Variants in GLYAT observed in about 807,000 individuals in gnomAD.
The protein encoded by GLYAT is glycine N-acyltransferase.
Under a neutral mutation model 22.8 loss-of-function variants are expected in GLYAT, and 25 were observed. The ratio of observed to expected loss-of-function variants is 1.09; its 90% CI spans 0.80 to 1.53. GLYAT has a LOEUF of 1.53. Among genes scored for constraint, GLYAT ranks in the 40% most tolerant of loss-of-function variants. GLYAT has a pLI of 0.00. For synonymous variants in GLYAT, 140 were observed against 122.7 expected, an observed-to-expected ratio of 1.14 and a Z score of -0.93; for missense variants, 411 against 353.9, an observed-to-expected ratio of 1.16 and a Z score of -1.29.
At chr11:58,719,293 T>C (rs1856720719) in intron 2 of GLYAT, among the ~76,000 whole-genome samples, 1 of 151,926 alleles carries the variant, frequency 6.6e-6, no homozygotes, top group Non-Finnish European at 1.5e-5. Flanking sequence ...GAAGCCCCAA[T>C]AAAAACAGCA....
chr11:58,726,178 A>T (rs571011698), intron 1 of GLYAT, among the ~76,000 whole-genome samples: 1 of 152,004 alleles, frequency 6.6e-6, no homozygotes, highest in Non-Finnish European at 1.5e-5. Flanking sequence ...TGGTTGCCTG[A>T]CATATCTGGG....
intron 4 of GLYAT, among the ~76,000 whole-genome samples, chr11:58,711,480 G>A (rs1856616226): frequency 6.6e-6 from 1 of 152,134 alleles, no homozygotes; most frequent in Non-Finnish European, 1.5e-5. Flanking sequence ...TGGGGAAGAA[G>A]CATTTCAAAC....
intron 1 of GLYAT, among the ~76,000 whole-genome samples, chr11:58,730,552 C>T (rs1442571206): frequency 2.0e-5 from 3 of 152,152 alleles, no homozygotes; most frequent in Non-Finnish European, 2.9e-5. Context: ...CATAATCTGA[C>T]CACAGTCTCA....
At chr11:58,724,286 C>A (rs2134493927) in intron 2 of GLYAT, 130 bp downstream of exon 2, 1 of 547,530 alleles carries the variant, frequency 1.8e-6, no homozygotes, top group Non-Finnish European at 3.3e-6. Context: ...AGAGGTAAGG[C>A]ATACTAAATG....
intron 1 of GLYAT, among the ~76,000 whole-genome samples, chr11:58,728,896 A>G (rs1464172106): frequency 2.0e-5 from 2 of 98,626 alleles, no homozygotes; most frequent in African/African-American, 8.2e-5. Context: ...GAAAGAAGGA[A>G]GGAAGGAAGG....
rs1232569022 is a variant in GLYAT at position 58,709,152 on chromosome 11, T to C, written c.*614A>G. 1.3e-5 allele frequency: 2 copies of C among 152,242 alleles called. No homozygotes were observed. Among genetic ancestry groups the C allele is most frequent in the Non-Finnish European group, 2.9e-5 (2 of 68,046 alleles). 9.4% of individuals were successfully genotyped at this position (152,242 alleles called of 1,614,324 possible). The stretch of plus-strand genomic sequence containing the variant: ...CTTTAGAAAAAACATTGGATCTTTT[T>C]TCCTGGAATAGGAGCTTGGAGAGGA... On this transcript the variant is annotated 3_prime_UTR_variant, in exon 6 of 6. Transcript: ENST00000344743.
At chr11:58,711,392 G>T (rs867029745) in intron 4 of GLYAT, among the ~76,000 whole-genome samples, 1 of 152,130 alleles carries the variant, frequency 6.6e-6, no homozygotes, top group African/African-American at 2.4e-5. Context: ...GCTGGTGAGT[G>T]TACCCTTTCT....
chr11:58,730,157 C>A (rs903200881), intron 1 of GLYAT, among the ~76,000 whole-genome samples: 1 of 151,988 alleles, frequency 6.6e-6, no homozygotes, highest in African/African-American at 2.4e-5. Flanking sequence ...GGAAATTAAT[C>A]TAAAGAAAAC....
intron 4 of GLYAT, among the ~76,000 whole-genome samples, chr11:58,711,011 C>G (rs1300368449): frequency 6.6e-6 from 1 of 152,154 alleles, no homozygotes; most frequent in East Asian, 1.9e-4. Flanking sequence ...AAGACCTGTG[C>G]TAGCATTCTT....
At chr11:58,716,777 T>G (rs1590669695) in intron 2 of GLYAT, among the ~76,000 whole-genome samples, 1 of 152,226 alleles carries the variant, frequency 6.6e-6, no homozygotes, top group Middle Eastern at 3.4e-3. Context: ...TGCACACCCG[T>G]GAAACAGCCT....
At chr11:58,711,704 G>A (rs1044534597) in intron 4 of GLYAT, among the ~76,000 whole-genome samples, 13 of 152,102 alleles carry the variant, frequency 8.5e-5, no homozygotes, top group Non-Finnish European at 1.9e-4. Flanking sequence ...AATAATATGA[G>A]GCAATGACCC....
chr11:58,724,349 G>A (rs1412348177), intron 2 of GLYAT, 67 bp downstream of exon 2: 7 of 809,514 alleles, frequency 8.6e-6, no homozygotes, highest in African/African-American at 1.7e-5. Flanking sequence ...ATAAATATCA[G>A]TCCCTTTCCC....
chr11:58,727,614 CA>C (rs1416909182), intron 1 of GLYAT, among the ~76,000 whole-genome samples: 1 of 152,122 alleles, frequency 6.6e-6, no homozygotes, highest in Non-Finnish European at 1.5e-5. Context: ...CCCACTCCCA[CA>C]AGCCACCTAT....
In GLYAT at chr11:58,729,952, C is replaced by T. The variant is rs117780768; in HGVS notation, c.-16+1883G>A. 9.6e-4 allele frequency among the ~76,000 whole-genome samples: 146 copies of T among 152,168 alleles called. 1 individual carries two copies. Among genetic ancestry groups the T allele is most frequent in the Middle Eastern group, 3.4e-3 (1 of 294 alleles). ...TCTGAAGAGTAGAGTTTGGAACCAC[C>T]CTCTAAGGATGTACTTACAAACTAA... is the stretch of plus-strand genomic sequence containing the variant. On this transcript the variant is annotated intron_variant, in intron 1 of 5. Coordinates refer to ENST00000344743, the MANE Select transcript of GLYAT (RefSeq NM_201648.3).
At position 58,724,472 on chromosome 11, in the gene GLYAT, G is replaced by T; in HGVS notation, c.25C>A (p.Gln9Lys). MMLPLQGA[Q>K]MLQMLEKSLR... Reference sequence around the variant, plus strand: ...GATTTCTCCAGCATCTGCAGCATCTGGGCACCTTGCAATGGTAACATCATG... The same window carrying T: ...GATTTCTCCAGCATCTGCAGCATCTTGGCACCTTGCAATGGTAACATCATG... The change falls in exon 2 of 6, where the codon CAG (glutamine) becomes AAG (lysine). Residue 9 changes from glutamine to lysine, a missense_variant. Gln to Lys is a moderately conservative substitution (Grantham distance 53). Transcript: ENST00000344743. The T allele has an allele frequency of 6.2e-7, 1 of 1,607,014 alleles. No homozygotes were observed. Among genetic ancestry groups the T allele is most frequent in the Non-Finnish European group, 8.5e-7 (1 of 1,174,776 alleles).
In GLYAT at chr11:58,709,010, C is replaced by G. The variant is rs1856575358; in HGVS notation, c.*756G>C. ...ACCTTCACCTTTTCATACACTCATT[C>G]CTTTCATGCTGTCACCATGATGAAC... On this transcript the variant is annotated 3_prime_UTR_variant, in exon 6 of 6. Transcript: ENST00000344743. 6.6e-6 allele frequency: 1 copy of G among 152,180 alleles called. No individual in the cohort carries two copies. The highest frequency in any genetic ancestry group is 2.4e-5 in the African/African-American group (1 of 41,436). The allele number at this position is 152,180 out of a possible 1,614,324, so 9.4% of individuals were successfully genotyped here. A position where few individuals can be genotyped will look rare whatever the true frequency, so the allele number is the denominator to read the frequency against.
chr11:58,713,527 C>G (rs1463520526), intron 3 of GLYAT, among the ~76,000 whole-genome samples: 1 of 152,072 alleles, frequency 6.6e-6, no homozygotes, highest in African/African-American at 2.4e-5. Context: ...CAGTATGAAA[C>G]TTGATATTGA....
intron 3 of GLYAT, among the ~76,000 whole-genome samples, chr11:58,713,605 A>G (rs967283939): frequency 6.6e-6 from 1 of 152,176 alleles, no homozygotes; most frequent in African/African-American, 2.4e-5. Flanking sequence ...AACCAGTTGC[A>G]GTTCCAGAGA....
chr11:58,714,808 C>T (rs1267051094), intron 3 of GLYAT, among the ~76,000 whole-genome samples: 2 of 152,132 alleles, frequency 1.3e-5, no homozygotes, highest in African/African-American at 4.8e-5. Context: ...AACTATGAGT[C>T]AATTAAACGT....
Sources: gnomAD v4.1 joint callset for allele counts (sites outside exome capture counted in the v4.1 genomes callset) on GRCh38, gnomAD v4.1.1 for gene constraint, MANE v1.5 for transcripts, NCBI Gene and HGNC (gene_info 2026-07-23, HGNC 2026-07-21) for gene names.